PLXDC2: variants seen among roughly 807,000 people sequenced by gnomAD.
PLXDC2 encodes the protein plexin domain-containing protein 2.
A neutral mutation model predicts 68.9 loss-of-function variants in PLXDC2; 40 were observed. That is an observed-to-expected ratio of 0.58 (90% CI 0.45 to 0.76). The LOEUF (loss-of-function observed/expected upper bound fraction) is 0.76, where lower values mean the gene tolerates loss of function less well. Ranked by LOEUF, PLXDC2 falls within the 30% of genes least tolerant of loss-of-function variation. The pLI, the probability that PLXDC2 is intolerant of heterozygous loss-of-function variation, is 0.00. For synonymous variants in PLXDC2, 243 were observed against 234.2 expected (o/e 1.04, Z -0.34); for missense variants, 644 against 661.9 (o/e 0.97, Z 0.30).
chr10:20,169,963 C>T (rs1329949038), intron 7 of PLXDC2, among the ~76,000 whole-genome samples: 1 of 152,190 alleles, frequency 6.6e-6, no homozygotes, highest in African/African-American at 2.4e-5. Context: ...TCAGTATCTA[C>T]TGTTTTAAAT....
At chr10:19,885,745 T>C (rs1292621815) in intron 1 of PLXDC2, among the ~76,000 whole-genome samples, 1 of 152,182 alleles carries the variant, frequency 6.6e-6, no homozygotes. Context: ...CATGCTGTTT[T>C]GGTTACTGTA....
rs1326228 is a variant in PLXDC2 at position 19,939,180 on chromosome 10, G to T, written c.113-62595G>T. 8.0e-4 allele frequency among the ~76,000 whole-genome samples: 121 copies of T among 152,108 alleles called. 1 individual carries two copies. In the East Asian group the frequency reaches 0.02, roughly 25 times the overall value. Reference sequence around the variant, plus strand: ...ATTTGTTGAATAATACAAAGTAATCGATTAACACATCTGAATGTCCCCTCT... The same window carrying T: ...ATTTGTTGAATAATACAAAGTAATCTATTAACACATCTGAATGTCCCCTCT... On this transcript the variant is annotated intron_variant, in intron 1 of 13. Transcript: ENST00000377252.
intron 1 of PLXDC2, among the ~76,000 whole-genome samples, chr10:19,950,196 C>T (rs1047640081): frequency 6.6e-5 from 10 of 152,110 alleles, no homozygotes; most frequent in African/African-American, 2.4e-4. Context: ...AAATAAAAGG[C>T]ATCCAAGTAG....
chr10:20,235,857 G>A (rs915282833), intron 12 of PLXDC2, among the ~76,000 whole-genome samples: 4 of 152,138 alleles, frequency 2.6e-5, no homozygotes, highest in Admixed American at 6.6e-5. Flanking sequence ...TAAATGGCAC[G>A]GAGAGTCACT....
intron 1 of PLXDC2, among the ~76,000 whole-genome samples, chr10:19,987,601 A>C (rs12254378): frequency 5.3e-5 from 8 of 150,640 alleles, no homozygotes; most frequent in Admixed American, 2.6e-4. Context: ...TCGTTCTGTC[A>C]CCCAGGCTGG....
chr10:20,068,345 T>C, intron 4 of PLXDC2, 106 bp downstream of exon 4: 2 of 996,854 alleles, frequency 2.0e-6, no homozygotes, highest in Non-Finnish European at 1.5e-6. Flanking sequence ...GAGAAAACCA[T>C]TGTGTTTTAT....
intron 1 of PLXDC2, among the ~76,000 whole-genome samples, chr10:19,868,765 C>T (rs1837469873): frequency 6.6e-6 from 1 of 152,166 alleles, no homozygotes; most frequent in Non-Finnish European, 1.5e-5. Context: ...TCAGCATATA[C>T]TTTTTGACCT....
intron 4 of PLXDC2, among the ~76,000 whole-genome samples, chr10:20,095,303 C>T (rs757774041): frequency 3.3e-5 from 5 of 152,076 alleles, no homozygotes; most frequent in Non-Finnish European, 7.4e-5. Context: ...TTAGACAGTA[C>T]AGGTCTACAG....
At chr10:19,837,105 G>A (rs1405221113) in intron 1 of PLXDC2, among the ~76,000 whole-genome samples, 1 of 148,922 alleles carries the variant, frequency 6.7e-6, no homozygotes, top group Non-Finnish European at 1.5e-5. Context: ...TGAATTGAAG[G>A]TTTTTTTTTT....
intron 1 of PLXDC2, among the ~76,000 whole-genome samples, chr10:19,867,273 C>T (rs1048667248): frequency 6.6e-6 from 1 of 152,024 alleles, no homozygotes; most frequent in African/African-American, 2.4e-5. Context: ...CTCTGTTGGT[C>T]AGCCTGGTTT....
intron 1 of PLXDC2, among the ~76,000 whole-genome samples, chr10:19,827,627 C>G (rs930956379): frequency 5.3e-5 from 8 of 150,830 alleles, no homozygotes; most frequent in Admixed American, 3.3e-4. Flanking sequence ...GTGGCACGAT[C>G]TTGGCTCACT....
chr10:20,179,814 T>C (rs1284640292), intron 9 of PLXDC2, among the ~76,000 whole-genome samples: 1 of 152,072 alleles, frequency 6.6e-6, no homozygotes, highest in Non-Finnish European at 1.5e-5. Flanking sequence ...CTTAACATTT[T>C]CACAGTGAAG....
chr10:20,050,705 AC>A (rs1220480863), intron 3 of PLXDC2, among the ~76,000 whole-genome samples: 2 of 151,790 alleles, frequency 1.3e-5, no homozygotes, highest in African/African-American at 2.4e-5. Context: ...AAAAAAAAAA[AC>A]AAAAACAAAA....
chr10:20,108,556 A>T (rs900576290), intron 4 of PLXDC2, among the ~76,000 whole-genome samples: 2 of 152,150 alleles, frequency 1.3e-5, no homozygotes, highest in Admixed American at 6.5e-5. Flanking sequence ...CAATTAAGAA[A>T]ATCAGTGCGT....
intron 1 of PLXDC2, among the ~76,000 whole-genome samples, chr10:19,993,241 A>G (rs1834780314): frequency 6.6e-6 from 1 of 151,978 alleles, no homozygotes; most frequent in South Asian, 2.1e-4. Flanking sequence ...AATACCTTAC[A>G]GTTGTCTTAA....
At position 19,927,974 on chromosome 10, in the gene PLXDC2, A is replaced by G. The variant is rs77318794; in HGVS notation, c.113-73801A>G. On this transcript the variant is annotated intron_variant, in intron 1 of 13. Transcript: ENST00000377252. Reference sequence around the variant, plus strand: ...CTACCTTCCTCCATTCTGAGTCTCCAGGTCCATGATATCACTCTGTATGCT... The same window carrying G: ...CTACCTTCCTCCATTCTGAGTCTCCGGGTCCATGATATCACTCTGTATGCT... Among the ~76,000 whole-genome samples the G allele has an allele frequency of 7.9e-3, 1,210 of 152,218 alleles. 21 individuals are homozygous for G. The highest frequency in any genetic ancestry group is 0.028 in the African/African-American group (1,158 of 41,528).
At chr10:20,061,388 A>C (rs1836100185) in intron 3 of PLXDC2, among the ~76,000 whole-genome samples, 1 of 152,136 alleles carries the variant, frequency 6.6e-6, no homozygotes, top group Non-Finnish European at 1.5e-5. Flanking sequence ...TTTATGATTA[A>C]ATGTAGGTCT....
At chr10:19,827,869 A>G (rs922762471) in intron 1 of PLXDC2, among the ~76,000 whole-genome samples, 1 of 152,126 alleles carries the variant, frequency 6.6e-6, no homozygotes, top group Admixed American at 6.5e-5. Context: ...ATCATAACAA[A>G]TTGTTAATAG....
chr10:19,856,492 A>G (rs1431943846), intron 1 of PLXDC2, among the ~76,000 whole-genome samples: 1 of 152,074 alleles, frequency 6.6e-6, no homozygotes, highest in Admixed American at 6.6e-5. Flanking sequence ...TCTGTGATGA[A>G]CTTGGACCCA....
Sources: allele counts gnomAD v4.1 joint callset (sites outside exome capture counted in the v4.1 genomes callset), GRCh38; gene constraint gnomAD v4.1.1; transcripts MANE v1.5; gene names NCBI Gene and HGNC (gene_info 2026-07-23, HGNC 2026-07-21).